The following ADAM22 variants were observed in gnomAD, a reference collection of about 807,000 sequenced individuals.
ADAM22 encodes the protein ADAM metallopeptidase domain 22.
Under a neutral mutation model 144.6 loss-of-function variants are expected in ADAM22, and 65 were observed. The observed-to-expected ratio is 0.45, with a 90% CI of 0.37 to 0.55. The LOEUF is 0.55. Ranked by LOEUF, ADAM22 falls within the 20% of genes least tolerant of loss-of-function variation. ADAM22 has a pLI of 0.00. For missense variants in ADAM22, 974 were observed against 1,184.9 expected, an observed-to-expected ratio of 0.82 and a Z score of 2.61; for synonymous variants, 391 against 412.6, an observed-to-expected ratio of 0.95 and a Z score of 0.63.
intron 2 of ADAM22, among the ~76,000 whole-genome samples, chr7:87,939,530 CT>C (rs1350801302): frequency 6.6e-6 from 1 of 152,150 alleles, no homozygotes; most frequent in Non-Finnish European, 1.5e-5. Context: ...TAGCTGTGTA[CT>C]TTAGTTCACT....
intron 3 of ADAM22, among the ~76,000 whole-genome samples, chr7:87,979,925 T>C (rs1584783866): frequency 6.6e-6 from 1 of 152,318 alleles, no homozygotes; most frequent in East Asian, 1.9e-4. Context: ...TTGAAATCAT[T>C]GCCCCTGTTG....
At chr7:88,104,605 C>T (rs1447494896) in intron 4 of ADAM22, among the ~76,000 whole-genome samples, 2 of 151,406 alleles carry the variant, frequency 1.3e-5, no homozygotes, top group East Asian at 3.9e-4. Context: ...AACTCTTGGA[C>T]TAAAAAACAT....
chr7:87,934,963 G>C, intron 1 of ADAM22, 63 bp from the exon 2 acceptor site: 1 of 1,605,408 alleles, frequency 6.2e-7, no homozygotes, highest in South Asian at 1.1e-5. Flanking sequence ...GGAGGAGTGA[G>C]GGTCAGGGTC....
chr7:88,154,795 G>A (rs915103505), intron 21 of ADAM22, among the ~76,000 whole-genome samples: 2 of 151,970 alleles, frequency 1.3e-5, no homozygotes, highest in South Asian at 2.1e-4. Context: ...ATTTTAAAAA[G>A]CATTTTTAAA....
chr7:88,076,914 C>G (rs1814691065), intron 4 of ADAM22, among the ~76,000 whole-genome samples: 1 of 152,120 alleles, frequency 6.6e-6, no homozygotes, highest in African/African-American at 2.4e-5. Flanking sequence ...TAGATAAATG[C>G]TCATTTTAGA....
intron 3 of ADAM22, among the ~76,000 whole-genome samples, chr7:88,049,581 A>C (rs774456790): frequency 2.0e-5 from 3 of 152,130 alleles, no homozygotes; most frequent in African/African-American, 4.8e-5. Context: ...CATTTTTAGT[A>C]GAGACAGGGT....
chr7:88,022,291 C>CCAGA (rs1798011669), intron 3 of ADAM22, among the ~76,000 whole-genome samples: 1 of 152,116 alleles, frequency 6.6e-6, no homozygotes, highest in Non-Finnish European at 1.5e-5. Context: ...GTTCAGTAGG[C>CCAGA]CAGACAGAGG....
chr7:87,938,207 A>ATTTTTT (rs59698275), intron 2 of ADAM22, among the ~76,000 whole-genome samples: 12 of 75,574 alleles, frequency 1.6e-4, no homozygotes, highest in Admixed American at 3.5e-4. Flanking sequence ...ATACCCATAG[A>ATTTTTT]TTTTTTTTTT....
chr7:87,948,110 T>C (rs114331073), intron 2 of ADAM22, among the ~76,000 whole-genome samples: 1,803 of 152,294 alleles, frequency 0.012, 35 homozygotes, highest in African/African-American at 0.042. Context: ...CCTCTTTCCA[T>C]TTTCCTGTGT....
intron 4 of ADAM22, among the ~76,000 whole-genome samples, chr7:88,100,487 A>G (rs768824767): frequency 4.6e-5 from 7 of 152,202 alleles, no homozygotes; most frequent in Admixed American, 1.3e-4. Context: ...TTTAGAATCA[A>G]TTATACTCTG....
At chr7:88,052,707 A>G (rs547298876) in intron 3 of ADAM22, among the ~76,000 whole-genome samples, 53 of 152,246 alleles carry the variant, frequency 3.5e-4, no homozygotes, top group African/African-American at 1.3e-3. Flanking sequence ...CCACACACCC[A>G]TGTGACATTT....
intron 3 of ADAM22, among the ~76,000 whole-genome samples, chr7:88,027,018 A>G (rs1425275230): frequency 6.6e-6 from 1 of 152,202 alleles, no homozygotes; most frequent in South Asian, 2.1e-4. Flanking sequence ...TTCTGTTAAT[A>G]TGATGCATCA....
chr7:88,017,653 G>A (rs1041002616), intron 3 of ADAM22, among the ~76,000 whole-genome samples: 6 of 152,020 alleles, frequency 3.9e-5, no homozygotes, highest in Admixed American at 3.9e-4. Context: ...TATGTACTCA[G>A]AAGTTTTATT....
chr7:88,187,655 A>T (rs573356100), intron 30 of ADAM22, among the ~76,000 whole-genome samples: 6 of 152,350 alleles, frequency 3.9e-5, no homozygotes, highest in South Asian at 2.1e-4. Flanking sequence ...TCTTCTGAAC[A>T]CAATTTTACA....
intron 3 of ADAM22, among the ~76,000 whole-genome samples, chr7:88,001,219 G>A (rs1014353490): frequency 6.6e-6 from 1 of 152,210 alleles, no homozygotes; most frequent in South Asian, 2.1e-4. Context: ...TCAGATTTTG[G>A]AAGATTTGCA....
At chr7:88,039,484 T>TATAC (rs1260358624) in intron 3 of ADAM22, among the ~76,000 whole-genome samples, 1 of 120,446 alleles carries the variant, frequency 8.3e-6, no homozygotes, top group African/African-American at 2.8e-5. Context: ...TATATATATA[T>TATAC]ACATTTCATG....
chr7:88,168,244 A>G lies in ADAM22; in HGVS notation c.2282+17A>G, dbSNP rs752743462. On this transcript the variant is annotated intron_variant, in intron 25 of 31. Coordinates refer to ENST00000413139, the MANE Select transcript of ADAM22 (RefSeq NM_001324418.2). ...GGGTTATAAGTAAGTGAAATGTCTC[A>G]GTCTTGTTACTATTGAAATATACTT... 3.7e-6 allele frequency: 6 copies of G among 1,602,054 alleles called. No homozygotes were observed. The highest frequency in any genetic ancestry group is 1.7e-5 in the Admixed American group (1 of 59,822).
chr7:88,052,499 GA>G (rs199577890), intron 3 of ADAM22, among the ~76,000 whole-genome samples: 14 of 141,914 alleles, frequency 9.9e-5, no homozygotes, highest in Non-Finnish European at 1.2e-4. Flanking sequence ...AACTGCGTCT[GA>G]AAAAAAAAAA....
intron 2 of ADAM22, among the ~76,000 whole-genome samples, chr7:87,953,519 A>G (rs1472658342): frequency 0.016 from 2,455 of 151,744 alleles, 12 homozygotes; most frequent in Non-Finnish European, 0.024. Flanking sequence ...GTTTGTTACA[A>G]TTTCTGTTCT....
Sources: allele counts gnomAD v4.1 joint callset (sites outside exome capture counted in the v4.1 genomes callset), GRCh38; gene constraint gnomAD v4.1.1; transcripts MANE v1.5; gene names NCBI Gene and HGNC (gene_info 2026-07-23, HGNC 2026-07-21).